Variants in TRIO observed in about 807,000 individuals in gnomAD.
The protein encoded by TRIO is trio Rho guanine nucleotide exchange factor.
Under a neutral mutation model 351.9 loss-of-function variants are expected in TRIO, and 58 were observed. That is an observed-to-expected ratio of 0.16 (90% CI 0.13 to 0.21). The LOEUF (loss-of-function observed/expected upper bound fraction) is 0.21. Ranked by LOEUF, TRIO falls within the 10% of genes least tolerant of loss-of-function variation. TRIO has a pLI of 1.00. For synonymous variants in TRIO, 1,758 were observed against 1,595.7 expected, an observed-to-expected ratio of 1.10 and a Z score of -2.42; for missense variants, 3,201 against 4,027.8, an observed-to-expected ratio of 0.79 and a Z score of 5.56.
intron 27 of TRIO, among the ~76,000 whole-genome samples, chr5:14,393,082 A>G (rs1219286885): frequency 3.3e-5 from 5 of 151,658 alleles, no homozygotes; most frequent in African/African-American, 1.2e-4. Flanking sequence ...GGATGGGTTC[A>G]TGTTCTTTGC....
rs1349508606 is a variant in TRIO, at chr5:14,286,149, C to T, written c.348-722C>T. Among the ~76,000 whole-genome samples the T allele has an allele frequency of 2.6e-5, 4 of 151,956 alleles. No individual in the cohort carries two copies. Among genetic ancestry groups the T allele is most frequent in the Admixed American group, 1.3e-4 (2 of 15,262 alleles). On this transcript the variant is annotated intron_variant, in intron 3 of 56. Transcript: ENST00000344204. The surrounding 1 kb of genome is among the most constrained non-coding windows in gnomAD (Gnocchi z 4.4). ...AGAACATAGTGACTCCCAGCACTGC[C>T]TTGACGTGTGTCAGAGGCCAGCAGT...
chr5:14,405,323 G>A lies in TRIO; in HGVS notation c.4717-525G>A, dbSNP rs116187474. ...ACGGGGCTGCAGGAGTCTCCCACCC[G>A]CAGAGTCCTTATGGGAGTGGATGAC... is the stretch of plus-strand genomic sequence containing the variant. On this transcript the variant is annotated intron_variant, in intron 31 of 56. Coordinates refer to ENST00000344204, the MANE Select transcript of TRIO (RefSeq NM_007118.4). Among the ~76,000 whole-genome samples, 1,251 of 152,268 alleles carry A rather than the reference G, an allele frequency of 8.2e-3. 15 individuals carry two copies. Among genetic ancestry groups the A allele is most frequent in the African/African-American group, 0.028 (1,176 of 41,554 alleles).
intron 1 of TRIO, among the ~76,000 whole-genome samples, chr5:14,169,757 C>A (rs1788991085): frequency 6.6e-6 from 1 of 152,172 alleles, no homozygotes; most frequent in Non-Finnish European, 1.5e-5. Context: ...GGATTCAAAT[C>A]TACCTTTGGA....
chr5:14,292,598 G>C (rs1737005746), intron 5 of TRIO, among the ~76,000 whole-genome samples: 1 of 152,136 alleles, frequency 6.6e-6, no homozygotes, highest in South Asian at 2.1e-4. Flanking sequence ...TAACCTGTGG[G>C]CACAGCAGAA....
intron 9 of TRIO, among the ~76,000 whole-genome samples, chr5:14,322,923 G>T (rs554706540): frequency 6.6e-6 from 1 of 152,184 alleles, no homozygotes. Context: ...GAGGCCACCT[G>T]CTGATCTTCC....
intron 9 of TRIO, among the ~76,000 whole-genome samples, chr5:14,322,570 C>T (rs896312555): frequency 1.1e-4 from 17 of 152,166 alleles, no homozygotes; most frequent in Admixed American, 7.2e-4. Context: ...CCTATTTCTT[C>T]GGCCTGCAAA....
chr5:14,299,584 T>C (rs1224790323), intron 7 of TRIO, among the ~76,000 whole-genome samples: 1 of 152,214 alleles, frequency 6.6e-6, no homozygotes, highest in Non-Finnish European at 1.5e-5. Context: ...TGCTCCTCAC[T>C]AAAGTAGTTT....
rs1490643313 is a variant in TRIO at position 14,508,836 on chromosome 5, C to T, written c.*414C>T. 1.7e-5 allele frequency: 3 copies of T among 173,016 alleles called. No individual in the cohort carries two copies. Among genetic ancestry groups the T allele is most frequent in the East Asian group, 1.7e-4 (1 of 5,980 alleles). 10.7% of individuals were successfully genotyped at this position (173,016 alleles called of 1,614,324 possible). On this transcript the variant is annotated 3_prime_UTR_variant, in exon 57 of 57. Coordinates refer to ENST00000344204, the MANE Select transcript of TRIO (RefSeq NM_007118.4). ...CTCTGGGGAAGACGCACCTAGGTGG[C>T]GGCCACTCCCATGGCCTTGTCTAGG...
At chr5:14,372,326 G>T (rs1745194596) in intron 18 of TRIO, among the ~76,000 whole-genome samples, 1 of 151,926 alleles carries the variant, frequency 6.6e-6, no homozygotes, top group Non-Finnish European at 1.5e-5. Context: ...CTTCCTATGG[G>T]ATTACTCAGG....
intron 9 of TRIO, among the ~76,000 whole-genome samples, chr5:14,327,327 G>A (rs1740478238): frequency 6.6e-6 from 1 of 152,076 alleles, no homozygotes; most frequent in African/African-American, 2.4e-5. Context: ...ACCACGCCCG[G>A]CTAATTTTGT....
rs564283429 is a variant in TRIO at position 14,291,192 on chromosome 5, C to T, written c.1017C>T (p.Cys339=). The change falls in exon 5 of 57, where the codon TGC becomes TGT. Residue 339 remains cysteine (C), a synonymous_variant. Coordinates refer to ENST00000344204, the MANE Select transcript of TRIO (RefSeq NM_007118.4). ...TGAGGAAGCTGAAGCTGGACCAGTG[C>T]TTCCAGCTGAGGCTGTTTGAACAGG... ...WHVRKLKLDQ[C]FQLRLFEQDA... The T allele has an allele frequency of 1.4e-5, 23 of 1,614,100 alleles. 1 individual carries two copies. The South Asian group carries it at 2.5e-4, about 18-fold the overall frequency.
At chr5:14,326,951 G>A (rs182244776) in intron 9 of TRIO, among the ~76,000 whole-genome samples, 1 of 152,174 alleles carries the variant, frequency 6.6e-6, no homozygotes, top group East Asian at 1.9e-4. Flanking sequence ...TTTAAAAGTG[G>A]AAATTATCAT....
chr5:14,319,394 A>T (rs543457373), intron 9 of TRIO, among the ~76,000 whole-genome samples: 93 of 152,342 alleles, frequency 6.1e-4, no homozygotes, highest in South Asian at 6.2e-4. Flanking sequence ...AGGATGTCAA[A>T]ACCAAAAACG....
chr5:14,204,815 C>T (rs980706272), intron 1 of TRIO, among the ~76,000 whole-genome samples: 1 of 152,204 alleles, frequency 6.6e-6, no homozygotes, highest in Non-Finnish European at 1.5e-5. Context: ...TGTTTCCTCA[C>T]TGTAAAATGC....
At chr5:14,463,865 C>T (rs1473221510) in intron 36 of TRIO, among the ~76,000 whole-genome samples, 1 of 152,070 alleles carries the variant, frequency 6.6e-6, no homozygotes, top group Non-Finnish European at 1.5e-5. Flanking sequence ...GCTGTGAGGC[C>T]AAGTCAAATC....
rs201020425 is a variant in TRIO at position 14,482,810 on chromosome 5, G to A, written c.6657+37G>A. Reference sequence around the variant, plus strand: ...CTCTGTGTGATTTCTCTGTGCCAGCGCATGTACCCGTCACACCGATACACT... The same window carrying A: ...CTCTGTGTGATTTCTCTGTGCCAGCACATGTACCCGTCACACCGATACACT... On this transcript the variant is annotated intron_variant, in intron 46 of 56. Coordinates refer to ENST00000344204, the MANE Select transcript of TRIO (RefSeq NM_007118.4). The A allele has an allele frequency of 1.1e-4, 165 of 1,466,758 alleles. No individual in the cohort carries two copies. The South Asian group carries it at 1.5e-3, about 13-fold the overall frequency. The allele number at this position is 1,466,758 out of a possible 1,614,324, so 90.9% of individuals were successfully genotyped here.
In TRIO at chr5:14,336,632, C is replaced by T; in HGVS notation, c.1951C>T (p.Gln651Ter). Residue 651 changes from glutamine to a stop codon, truncating the protein, a stop_gained, in exon 11 of 57, where the codon CAG becomes TAG. Coordinates refer to ENST00000344204, the MANE Select transcript of TRIO (RefSeq NM_007118.4). LOFTEE classifies it high-confidence loss of function. ...CGAAGAGATTTATCAGGCTGCCCATCAGCTGGAAGACCGGATTCAAGATTT... is the reference window on the plus strand; with the variant it reads ...CGAAGAGATTTATCAGGCTGCCCATTAGCTGGAAGACCGGATTCAAGATTT... ...DPEEIYQAAH[Q>*]LEDRIQDFVR... 6.2e-7 allele frequency: 1 copy of T among 1,614,188 alleles called. No individual in the cohort carries two copies. Among genetic ancestry groups the T allele is most frequent in the Non-Finnish European group, 8.5e-7 (1 of 1,180,042 alleles).
chr5:14,329,362 G>C (rs1740697899), intron 9 of TRIO, among the ~76,000 whole-genome samples: 1 of 152,250 alleles, frequency 6.6e-6, no homozygotes, highest in Non-Finnish European at 1.5e-5. Flanking sequence ...GAGGGAATTA[G>C]GCCATGAGGG....
intron 1 of TRIO, among the ~76,000 whole-genome samples, chr5:14,184,268 G>C (rs1448260630): frequency 6.6e-6 from 1 of 152,212 alleles, no homozygotes; most frequent in East Asian, 1.9e-4. Flanking sequence ...AGGGAGCACT[G>C]TGCGCTGTTT....
Sources: gnomAD v4.1 joint callset for allele counts (sites outside exome capture counted in the v4.1 genomes callset) on GRCh38, gnomAD v4.1.1 for gene constraint, Gnocchi (gnomAD v3.1) non-coding constraint, MANE v1.5 for transcripts, NCBI Gene and HGNC (gene_info 2026-07-23, HGNC 2026-07-21) for gene names.